Variants in NRG1 observed in about 807,000 individuals in gnomAD.
NRG1 encodes the protein pro-neuregulin-1, membrane-bound isoform.
NRG1 carries 18 observed loss-of-function variants against 63.8 expected under a neutral mutation model. That is an observed-to-expected ratio of 0.28 (90% confidence interval 0.19 to 0.42). NRG1 has a LOEUF of 0.42. Ranked by LOEUF, NRG1 falls within the 10% of genes least tolerant of loss-of-function variation. NRG1 has a pLI of 1.00. For missense variants in NRG1, 762 were observed against 814.7 expected, an observed-to-expected ratio of 0.94 and a Z score of 0.79; for synonymous variants, 302 against 301.3, an observed-to-expected ratio of 1.00 and a Z score of -0.02.
chr8:32,023,318 T>G (rs1725198521), intron 1 of NRG1, among the ~76,000 whole-genome samples: 3 of 152,186 alleles, frequency 2.0e-5, no homozygotes, highest in Admixed American at 2.0e-4. Context: ...AAGTTTTCCT[T>G]TAAAATACAA....
chr8:32,754,484 C>A lies in NRG1; in HGVS notation c.794+10C>A, dbSNP rs752391003. ...CCTACTGCAAAACCAAGTAAACCTT[C>A]TTTCTCCATGCCTTTCTCTCTCCTT... On this transcript the variant is annotated intron_variant, in intron 8 of 11. Coordinates refer to ENST00000356819, the Ensembl canonical transcript of NRG1. 6 of 1,612,398 alleles carry A rather than the reference C, an allele frequency of 3.7e-6. No homozygotes were observed. The African/African-American group carries it at 8.0e-5, about 22-fold the overall frequency.
At chr8:32,694,363 C>T (rs989387274) in intron 5 of NRG1, among the ~76,000 whole-genome samples, 36 of 151,960 alleles carry the variant, frequency 2.4e-4, no homozygotes, top group African/African-American at 8.7e-4. Flanking sequence ...TTTTCCTTTC[C>T]AGAATGTTCT....
intron 1 of NRG1, among the ~76,000 whole-genome samples, chr8:32,061,194 C>A (rs116147835): frequency 0.012 from 1,782 of 151,932 alleles, 35 homozygotes; most frequent in African/African-American, 0.041. Context: ...ATACCTAGAG[C>A]ATCACAAAAT....
At chr8:32,618,761 G>A (rs1176379783) in intron 5 of NRG1, among the ~76,000 whole-genome samples, 1 of 152,066 alleles carries the variant, frequency 6.6e-6, no homozygotes, top group African/African-American at 2.4e-5. Context: ...TATATTAGAA[G>A]GTGCTACGTA....
chr8:32,366,677 G>GTGTGTATATATATATA (rs1164696498), intron 1 of NRG1, among the ~76,000 whole-genome samples: 13 of 87,488 alleles, frequency 1.5e-4, no homozygotes, highest in South Asian at 3.9e-4. Context: ...GTGTGTGTGT[G>GTGTGTATATATATATA]TATATATATA....
chr8:32,130,734 G>A (rs1163458276), intron 1 of NRG1, among the ~76,000 whole-genome samples: 2 of 151,910 alleles, frequency 1.3e-5, no homozygotes, highest in Non-Finnish European at 2.9e-5. Context: ...CATCCCTTTG[G>A]GCTTTCTTAC....
intron 7 of NRG1, among the ~76,000 whole-genome samples, chr8:32,752,477 G>A (rs1178809119): frequency 6.6e-6 from 1 of 152,186 alleles, no homozygotes; most frequent in East Asian, 1.9e-4. Context: ...CAATGCACCA[G>A]CCGCTTCGCT....
intron 1 of NRG1, among the ~76,000 whole-genome samples, chr8:32,112,210 C>T (rs983413780): frequency 1.3e-5 from 2 of 152,152 alleles, no homozygotes; most frequent in Non-Finnish European, 1.5e-5. Context: ...ATTAGGGCTT[C>T]CTTTGAATTA....
At chr8:31,857,609 G>C (rs1828043575) in intron 1 of NRG1, among the ~76,000 whole-genome samples, 1 of 152,198 alleles carries the variant, frequency 6.6e-6, no homozygotes, top group South Asian at 2.1e-4. Context: ...GACCAGAGCT[G>C]TTCCTATTCG....
chr8:32,317,732 C>A (rs1222660406), intron 1 of NRG1, among the ~76,000 whole-genome samples: 1 of 152,104 alleles, frequency 6.6e-6, no homozygotes, highest in Non-Finnish European at 1.5e-5. Flanking sequence ...AAATATCTCC[C>A]CACCCTAATT....
chr8:32,624,030 TA>T (rs1848768345), intron 5 of NRG1, among the ~76,000 whole-genome samples: 1 of 152,236 alleles, frequency 6.6e-6, no homozygotes, highest in Non-Finnish European at 1.5e-5. Context: ...CTTTACATTT[TA>T]TAAGGCATAT....
intron 1 of NRG1, among the ~76,000 whole-genome samples, chr8:32,122,747 T>A (rs1278895624): frequency 6.6e-6 from 1 of 151,694 alleles, no homozygotes; most frequent in Non-Finnish European, 1.5e-5. Context: ...TAGCATTAGG[T>A]ATATCTCCCA....
At chr8:32,095,802 T>TGTTTTTAAAG (rs1353594221) in intron 1 of NRG1, among the ~76,000 whole-genome samples, 3 of 152,232 alleles carry the variant, frequency 2.0e-5, no homozygotes, top group African/African-American at 7.2e-5. Flanking sequence ...TTTCATCTTT[T>TGTTTTTAAAG]GTTTTTAAAG....
chr8:32,494,729 T>G (rs1041058193), intron 1 of NRG1, among the ~76,000 whole-genome samples: 2 of 152,308 alleles, frequency 1.3e-5, no homozygotes, highest in South Asian at 4.1e-4. Context: ...TTAGAAAAAC[T>G]AGCATCCAGA....
intron 1 of NRG1, among the ~76,000 whole-genome samples, chr8:32,463,254 G>A (rs1752758501): frequency 6.6e-6 from 1 of 152,100 alleles, no homozygotes; most frequent in South Asian, 2.1e-4. Context: ...ATGCTGCAAT[G>A]AACGTCAAAG....
downstream of NRG1, among the ~76,000 whole-genome samples, chr8:32,768,542 CAAT>C (rs1831591697): frequency 6.6e-6 from 1 of 152,116 alleles, no homozygotes; most frequent in Non-Finnish European, 1.5e-5. Flanking sequence ...CTTATTCTGT[CAAT>C]AAAACAAATC....
chr8:31,945,184 T>G (rs2129621546), intron 1 of NRG1, among the ~76,000 whole-genome samples: 1 of 152,336 alleles, frequency 6.6e-6, no homozygotes, highest in East Asian at 1.9e-4. Flanking sequence ...TAACAATTTC[T>G]GATACTGTTT....
At chr8:31,673,899 A>G (rs1484497604) in intron 1 of NRG1, among the ~76,000 whole-genome samples, 1 of 150,062 alleles carries the variant, frequency 6.7e-6, no homozygotes, top group Non-Finnish European at 1.5e-5. Flanking sequence ...AGCCAACACC[A>G]TAATCTAATT....
intron 5 of NRG1, among the ~76,000 whole-genome samples, chr8:32,705,923 A>G (rs950279247): frequency 6.6e-6 from 1 of 152,184 alleles, no homozygotes; most frequent in Non-Finnish European, 1.5e-5. Context: ...CCAACCTACC[A>G]AGGCTTCCCC....
Sources: gnomAD v4.1 joint callset for allele counts (sites outside exome capture counted in the v4.1 genomes callset) on GRCh38, gnomAD v4.1.1 for gene constraint, MANE v1.5 for transcripts, NCBI Gene and HGNC (gene_info 2026-07-23, HGNC 2026-07-21) for gene names.